Variants in RBBP8NL observed in about 807,000 individuals in gnomAD.
The protein encoded by RBBP8NL is RBBP8 N-terminal like.
A neutral mutation model predicts 62.2 loss-of-function variants in RBBP8NL; 59 were observed. That is an observed-to-expected ratio of 0.95 (90% confidence interval 0.77 to 1.18). The LOEUF is 1.18. Ranked by LOEUF, RBBP8NL falls within the 50% of genes most tolerant of loss-of-function variation. The probability of loss-of-function intolerance (pLI) is 0.00; values close to 1 mark genes in which losing one functional copy is unlikely to be tolerated. For synonymous variants in RBBP8NL, 412 were observed against 394.1 expected, an observed-to-expected ratio of 1.05 and a Z score of -0.54; for missense variants, 896 against 899.5, an observed-to-expected ratio of 1.00 and a Z score of 0.05.
intron 13 of RBBP8NL, 136 bp from the exon 14 acceptor site, chr20:62,411,132 G>A (rs1988425387): frequency 3.0e-6 from 2 of 669,356 alleles, no homozygotes; most frequent in African/African-American, 1.8e-5. Flanking sequence ...GGCCACCCTT[G>A]TTCCTACAGA....
intron 1 of RBBP8NL, among the ~76,000 whole-genome samples, chr20:62,426,365 C>G (rs1053517020): frequency 3.9e-5 from 6 of 152,256 alleles, no homozygotes; most frequent in African/African-American, 1.2e-4. Flanking sequence ...ACCCGCTTCT[C>G]CCCAAGGGAT....
rs1454688545 is a variant in RBBP8NL, at chr20:62,419,730, C to T, written c.-83G>A. 4.1e-6 allele frequency: 6 copies of T among 1,469,450 alleles called. No homozygotes were observed. Among genetic ancestry groups the T allele is most frequent in the Non-Finnish European group, 4.7e-6 (5 of 1,061,304 alleles). The allele number at this position is 1,469,450 out of a possible 1,614,324, so 91.0% of individuals were successfully genotyped here. On this transcript the variant is annotated splice_region_variant and 5_prime_UTR_variant, in exon 2 of 14. It removes an upstream start codon present in the reference 5' UTR. Transcript: ENST00000252998. ...GCCTCTACTGCCCCTCTGTGTCCAT[C>T]CTGAAGAGGAGGAAGAGGGGACAGG...
At position 62,415,599 on chromosome 20, in the gene RBBP8NL, A is replaced by G. The variant is rs768285174; in HGVS notation, c.606T>C (p.Pro202=). The change falls in exon 8 of 14, where the codon CCT becomes CCC. Residue 202 remains proline (P), a synonymous_variant. Transcript: ENST00000252998. ...VAKISPGATL[P]ESRAPDMSPQ... is the part of the protein sequence containing the mutation. ...TTACCATGTCTGGGGCTCGCGACTC[A>G]GGCAGGGTGGCCCCTGGGGAGATTT... is the stretch of plus-strand genomic sequence containing the variant. 6.8e-6 allele frequency: 11 copies of G among 1,612,834 alleles called. No homozygotes were observed. The highest frequency in any genetic ancestry group is 6.6e-5 in the South Asian group (6 of 91,082).
intron 8 of RBBP8NL, 73 bp from the exon 9 acceptor site, chr20:62,415,360 C>A: frequency 6.7e-7 from 1 of 1,485,650 alleles, no homozygotes; most frequent in African/African-American, 1.4e-5. Context: ...ATAGCCTCTG[C>A]TGCCTGCCCT....
At chr20:62,421,667 G>A (rs1269076681) in intron 1 of RBBP8NL, among the ~76,000 whole-genome samples, 2 of 150,750 alleles carry the variant, frequency 1.3e-5, no homozygotes, top group African/African-American at 2.4e-5. Context: ...TGTATGTGCT[G>A]TGTGTGCATG....
In RBBP8NL at chr20:62,415,833, C is replaced by T. The variant is rs140358625; in HGVS notation, c.499G>A (p.Glu167Lys). 2.9e-5 allele frequency: 47 copies of T among 1,612,394 alleles called. No individual in the cohort carries two copies. Among genetic ancestry groups the T allele is most frequent in the East Asian group, 1.8e-4 (8 of 44,860 alleles). The stretch of plus-strand genomic sequence containing the variant: ...CCCTGGTGGTCTTCCTCAGCCTCCT[C>T]GTGGCCTCCCGGTGGCTTCTCTGTG... ...AITEKPPGGH[E>K]EAEEDHQGVG... is the part of the protein sequence containing the mutation. The change falls in exon 7 of 14, where the codon GAG (glutamate) becomes AAG (lysine). Residue 167 changes from glutamate to lysine, a missense_variant. Physicochemically the swap from Glu to Lys is moderately conservative, Grantham distance 56. Coordinates refer to ENST00000252998, the MANE Select transcript of RBBP8NL (RefSeq NM_080833.3).
intron 8 of RBBP8NL, 133 bp from the exon 9 acceptor site, chr20:62,415,420 A>G (rs985869521): frequency 1.8e-4 from 245 of 1,373,354 alleles, no homozygotes; most frequent in Non-Finnish European, 1.9e-4. Flanking sequence ...ACCCCCACCC[A>G]CGCCAAATGG....
chr20:62,412,489 T>G, intron 13 of RBBP8NL, 135 bp downstream of exon 13: 28 of 1,203,814 alleles, frequency 2.3e-5, no homozygotes, highest in Non-Finnish European at 3.3e-5. Flanking sequence ...TGGGGAGGGT[T>G]GAGGTTCATT....
chr20:62,413,834 G>A lies in RBBP8NL; in HGVS notation c.1517C>T (p.Ala506Val). 3.8e-6 allele frequency: 6 copies of A among 1,596,904 alleles called. No homozygotes were observed. Among genetic ancestry groups the A allele is most frequent in the Non-Finnish European group, 4.3e-6 (5 of 1,173,072 alleles). The part of the protein sequence containing the change: ...KGTRVPEQEE[A>V]STPMDPSRPL... ...CGGGCTCCTTACCATGGGAGTGGAAGCCTCCTCCTGCTCTGGCACTCTGGT... is the reference window on the plus strand; with the variant it reads ...CGGGCTCCTTACCATGGGAGTGGAAACCTCCTCCTGCTCTGGCACTCTGGT... The change falls in exon 10 of 14, where the codon GCT becomes GTT. Residue 506 changes from alanine to valine, a missense_variant. Ala to Val is a moderately conservative substitution (Grantham distance 64, BLOSUM62 0). Coordinates refer to ENST00000252998, the MANE Select transcript of RBBP8NL (RefSeq NM_080833.3).
intron 11 of RBBP8NL, 36 bp from the exon 12 acceptor site, chr20:62,412,936 G>A: frequency 6.2e-7 from 1 of 1,608,818 alleles, no homozygotes; most frequent in Non-Finnish European, 8.5e-7. Flanking sequence ...GGCCAGGCTG[G>A]TGGCACCGGG....
chr20:62,421,910 C>T (rs1358868404), intron 1 of RBBP8NL, among the ~76,000 whole-genome samples: 6 of 152,030 alleles, frequency 3.9e-5, no homozygotes, highest in East Asian at 1.9e-4. Context: ...AGCCAGTGTG[C>T]ATGTGTGTGT....
At chr20:62,419,237 C>T (rs1435002248) in intron 2 of RBBP8NL, among the ~76,000 whole-genome samples, 3 of 152,102 alleles carry the variant, frequency 2.0e-5, no homozygotes, top group East Asian at 3.9e-4. Context: ...CGCTGGAGGC[C>T]GGCCCACGGG....
rs777084305 is a variant in RBBP8NL, at chr20:62,414,488, C to T, written c.863G>A (p.Arg288Gln). ...EAPKLSPKVDRLCLLNRPLSL... is the reference protein window; with the variant it reads ...EAPKLSPKVDQLCLLNRPLSL... ...CAGGGGGCGGTTTAGGAGGCAGAGC[C>T]GGTCCACCTTCGGGGAGAGCTTCGG... Residue 288 changes from arginine (R) to glutamine (Q), a missense_variant, in exon 10 of 14, where the codon CGG becomes CAG. Physicochemically the swap from Arg to Gln is conservative, Grantham distance 43. Coordinates refer to ENST00000252998, the MANE Select transcript of RBBP8NL (RefSeq NM_080833.3). 1.2e-5 allele frequency: 17 copies of T among 1,464,056 alleles called. No individual in the cohort carries two copies. The highest frequency in any genetic ancestry group is 7.1e-5 in the African/African-American group (5 of 70,900). 90.7% of individuals were successfully genotyped at this position (1,464,056 alleles called of 1,614,324 possible). A position where few individuals can be genotyped will look rare whatever the true frequency, so the allele number is the denominator to read the frequency against.
chr20:62,413,511 C>A lies in RBBP8NL; in HGVS notation c.1565G>T (p.Ser522Ile). Residue 522 changes from serine to isoleucine, a missense_variant, in exon 11 of 14, where the codon AGC becomes ATC. By Grantham distance (142) the Ser-to-Ile change is moderately radical. Transcript: ENST00000252998. ...TTCTGTACTGCCTGGAGAGGACAGG[C>A]TGAGCTGGGACCCTGGAAGTGGGCG... ...PSRPLPGSQL[S>I]LSSPGSTEDE... 5 of 1,521,696 alleles carry A rather than the reference C, an allele frequency of 3.3e-6. No homozygotes were observed. Among genetic ancestry groups the A allele is most frequent in the Non-Finnish European group, 4.4e-6 (5 of 1,141,506 alleles). The allele number at this position is 1,521,696 out of a possible 1,614,324, so 94.3% of individuals were successfully genotyped here.
chr20:62,418,530 C>CCACGGGGT, intron 2 of RBBP8NL, 65 bp from the exon 3 acceptor site: 1 of 1,452,678 alleles, frequency 6.9e-7, no homozygotes, highest in Non-Finnish European at 9.4e-7. Context: ...AGTGTCCCCA[C>CCACGGGGT]CACGGGGTCT....
intron 1 of RBBP8NL, among the ~76,000 whole-genome samples, chr20:62,422,271 A>G (rs1988717008): frequency 1.3e-5 from 2 of 152,126 alleles, no homozygotes; most frequent in Admixed American, 1.3e-4. Flanking sequence ...CCTGTGTGCA[A>G]CATCATTCTA....
At chr20:62,411,223 T>G (rs1275466426) in intron 13 of RBBP8NL, among the ~76,000 whole-genome samples, 1 of 152,316 alleles carries the variant, frequency 6.6e-6, no homozygotes, top group Middle Eastern at 3.4e-3. Flanking sequence ...CTCCCCATTG[T>G]GTGACCCCGA....
Position 62,414,504 on chromosome 20 carries a change from A to C in RBBP8NL, c.847T>G (p.Ser283Ala). ...SAMTHEAPKLSPKVDRLCLLN... is the reference protein window; with the variant it reads ...SAMTHEAPKLAPKVDRLCLLN... Reference sequence around the variant, plus strand: ...AGGCAGAGCCGGTCCACCTTCGGGGAGAGCTTCGGGGCCTCATGGGTCATG... The same window carrying C: ...AGGCAGAGCCGGTCCACCTTCGGGGCGAGCTTCGGGGCCTCATGGGTCATG... The change falls in exon 10 of 14, where the codon TCC (serine) becomes GCC (alanine). Residue 283 changes from serine to alanine, a missense_variant. Physicochemically the swap from Ser to Ala is moderately conservative, Grantham distance 99 (BLOSUM62 1). Transcript: ENST00000252998. 6.9e-7 allele frequency: 1 copy of C among 1,450,858 alleles called. No homozygotes were observed. The highest frequency in any genetic ancestry group is 2.5e-5 in the East Asian group (1 of 40,760). 89.9% of individuals were successfully genotyped at this position (1,450,858 alleles called of 1,614,324 possible). A position where few individuals can be genotyped will look rare whatever the true frequency, so the allele number is the denominator to read the frequency against.
rs949461604 is a variant in RBBP8NL, at chr20:62,426,107, T to C, written c.-84+1353A>G. Reference sequence around the variant, plus strand: ...GTGGAAGTAGCAGCGGCAGCGGCAGTGGCAGTGGCATTAGCAGTGGCAGTG... The same window carrying C: ...GTGGAAGTAGCAGCGGCAGCGGCAGCGGCAGTGGCATTAGCAGTGGCAGTG... On this transcript the variant is annotated intron_variant, in intron 1 of 13. Coordinates refer to ENST00000252998, the MANE Select transcript of RBBP8NL (RefSeq NM_080833.3). Among the ~76,000 whole-genome samples the C allele has an allele frequency of 2.7e-5, 4 of 149,996 alleles. No individual in the cohort carries two copies. The South Asian group carries it at 8.5e-4, about 32-fold the overall frequency.
Sources: allele counts gnomAD v4.1 joint callset (sites outside exome capture counted in the v4.1 genomes callset), GRCh38; gene constraint gnomAD v4.1.1; transcripts MANE v1.5; gene names NCBI Gene and HGNC (gene_info 2026-07-23, HGNC 2026-07-21).